The following TASP1 variants were observed in gnomAD, a reference collection of about 807,000 sequenced individuals.
TASP1 encodes the protein threonine aspartase 1.
Under a neutral mutation model 56.6 loss-of-function variants are expected in TASP1, and 16 were observed. The ratio of observed to expected loss-of-function variants is 0.28; its 90% CI spans 0.19 to 0.43. The LOEUF is 0.43. Among genes scored for constraint, TASP1 ranks in the 20% least tolerant of loss-of-function variants. The pLI is 1.00. For synonymous variants in TASP1, 179 were observed against 184.2 expected, an observed-to-expected ratio of 0.97 and a Z score of 0.23; for missense variants, 393 against 511.6, an observed-to-expected ratio of 0.77 and a Z score of 2.24.
intron 11 of TASP1, among the ~76,000 whole-genome samples, chr20:13,441,852 G>A (rs147936083): frequency 7.1e-4 from 108 of 152,202 alleles, no homozygotes; most frequent in Non-Finnish European, 1.2e-3. Context: ...AGTTGTTGAT[G>A]GAAGGGACAT....
At chr20:13,497,185 CAAGTG>C (rs1193071148) in intron 10 of TASP1, among the ~76,000 whole-genome samples, 2 of 152,068 alleles carry the variant, frequency 1.3e-5, no homozygotes, top group Non-Finnish European at 2.9e-5. Context: ...AGTTCTTTGG[CAAGTG>C]AAAAGCAGCA....
the TASP1 span, chr20:13,292,469 A>AT: frequency 1.3e-6 from 2 of 1,571,832 alleles, no homozygotes; most frequent in African/African-American, 1.4e-5. Flanking sequence ...AGTTGGTAAG[A>AT]TTTTTTTCTT....
At chr20:13,298,955 T>C in the TASP1 span, 1 of 1,613,444 alleles carries the variant, frequency 6.2e-7, no homozygotes, top group Non-Finnish European at 8.5e-7. Flanking sequence ...CAGACAGCTG[T>C]GAGCGCTGGA....
At chr20:13,405,646 A>G (rs1298184285) in intron 13 of TASP1, among the ~76,000 whole-genome samples, 3 of 152,010 alleles carry the variant, frequency 2.0e-5, no homozygotes, top group Non-Finnish European at 4.4e-5. Context: ...TCCTGGGTTC[A>G]AGTGATTCTC....
intron 8 of TASP1, among the ~76,000 whole-genome samples, chr20:13,535,538 G>A (rs1262760646): frequency 6.6e-6 from 1 of 152,122 alleles, no homozygotes; most frequent in East Asian, 1.9e-4. Context: ...CCACAGCTAG[G>A]GAAAGTCTAG....
At chr20:13,621,090 T>C (rs1334508852) in intron 4 of TASP1, among the ~76,000 whole-genome samples, 1 of 152,174 alleles carries the variant, frequency 6.6e-6, no homozygotes, top group African/African-American at 2.4e-5. Context: ...GAAAAGTTAA[T>C]TGTTAGATAA....
chr20:13,177,742 A>G, the TASP1 span, among the ~76,000 whole-genome samples: 1 of 152,208 alleles, frequency 6.6e-6, no homozygotes, highest in African/African-American at 2.4e-5. Flanking sequence ...CCCACCTCTC[A>G]TTGTATAAAA....
At chr20:13,211,750 T>C in the TASP1 span, among the ~76,000 whole-genome samples, 2 of 152,186 alleles carry the variant, frequency 1.3e-5, no homozygotes, top group Non-Finnish European at 2.9e-5. Context: ...GGATTTTATA[T>C]ATTGCTCAGG....
At chr20:13,399,905 GC>G (rs2041674885) in intron 13 of TASP1, among the ~76,000 whole-genome samples, 2 of 152,094 alleles carry the variant, frequency 1.3e-5, no homozygotes, top group African/African-American at 4.8e-5. Context: ...AACACACCAG[GC>G]ACACTCCTAC....
the TASP1 span, among the ~76,000 whole-genome samples, chr20:13,146,413 C>T: frequency 9.2e-5 from 14 of 152,032 alleles, no homozygotes; most frequent in Non-Finnish European, 1.8e-4. Context: ...CACATGTACC[C>T]CGAAACCTAA....
chr20:13,590,783 T>C (rs551914632), intron 4 of TASP1, among the ~76,000 whole-genome samples: 4 of 152,106 alleles, frequency 2.6e-5, no homozygotes, highest in African/African-American at 9.6e-5. Context: ...GGAGAATCAC[T>C]TGAACCCGGG....
At chr20:13,261,025 T>C in the TASP1 span, among the ~76,000 whole-genome samples, 88 of 152,228 alleles carry the variant, frequency 5.8e-4, no homozygotes, top group African/African-American at 1.9e-3. Context: ...CACCGAGTGT[T>C]CTCAGCATTC....
chr20:13,441,636 G>T (rs2043216218), intron 11 of TASP1, among the ~76,000 whole-genome samples: 1 of 152,200 alleles, frequency 6.6e-6, no homozygotes, highest in African/African-American at 2.4e-5. Flanking sequence ...CCAGGTCACA[G>T]ACAGTGATAA....
chr20:13,293,923 G>A, the TASP1 span, among the ~76,000 whole-genome samples: 5 of 151,572 alleles, frequency 3.3e-5, no homozygotes, highest in Admixed American at 2.0e-4. Flanking sequence ...GCAGTGAGTC[G>A]AGATCACACC....
the TASP1 span, among the ~76,000 whole-genome samples, chr20:13,344,687 C>T: frequency 6.6e-6 from 1 of 152,172 alleles, no homozygotes; most frequent in African/African-American, 2.4e-5. Context: ...GGCAGAAGTT[C>T]CCTGAAGCCA....
At chr20:13,362,373 A>T in the TASP1 span, among the ~76,000 whole-genome samples, 2 of 151,888 alleles carry the variant, frequency 1.3e-5, no homozygotes, top group Admixed American at 6.6e-5. Flanking sequence ...ATGAAATTCC[A>T]CAACAAAAGA....
chr20:13,524,867 G>A (rs2044911828), intron 10 of TASP1, among the ~76,000 whole-genome samples: 2 of 152,122 alleles, frequency 1.3e-5, no homozygotes, highest in South Asian at 4.1e-4. Context: ...TACATGTGTT[G>A]AGTTAAACTG....
the TASP1 span, among the ~76,000 whole-genome samples, chr20:13,355,659 C>T: frequency 5.3e-5 from 8 of 152,160 alleles, no homozygotes; most frequent in Non-Finnish European, 8.8e-5. Context: ...TATGTCAAGC[C>T]CTGGCTGCAA....
intron 11 of TASP1, among the ~76,000 whole-genome samples, chr20:13,461,634 G>A (rs1354392314): frequency 6.6e-6 from 1 of 152,156 alleles, no homozygotes; most frequent in South Asian, 2.1e-4. Flanking sequence ...CACGAAAGCA[G>A]TTATGGACTG....
Sources: allele counts gnomAD v4.1 joint callset (sites outside exome capture counted in the v4.1 genomes callset), GRCh38; gene constraint gnomAD v4.1.1; transcripts MANE v1.5; gene names NCBI Gene and HGNC (gene_info 2026-07-23, HGNC 2026-07-21).